The following ICE2 variants were observed in gnomAD, a reference collection of about 807,000 sequenced individuals.
ICE2 encodes the protein interactor of little elongation complex ELL subunit 2.
In ICE2, 87 loss-of-function variants were observed where a neutral mutation model predicts 105.4. The ratio of observed to expected loss-of-function variants is 0.83; its 90% CI spans 0.69 to 0.99. The LOEUF is 0.99. ICE2 is among the 50% of genes least tolerant of loss of function. The probability of loss-of-function intolerance (pLI) is 0.00; values close to 1 mark genes in which losing one functional copy is unlikely to be tolerated. For missense variants in ICE2, 1,323 were observed against 1,146.7 expected, an observed-to-expected ratio of 1.15 and a Z score of -2.22; for synonymous variants, 399 against 392.0, an observed-to-expected ratio of 1.02 and a Z score of -0.21.
At chr15:60,427,843 T>C (rs2063370647) in intron 15 of ICE2, among the ~76,000 whole-genome samples, 1 of 152,230 alleles carries the variant, frequency 6.6e-6, no homozygotes, top group African/African-American at 2.4e-5. Context: ...CATTCAACTG[T>C]TACTTTTGGC....
At chr15:60,446,230 G>A (rs989353421) in intron 11 of ICE2, among the ~76,000 whole-genome samples, 3 of 152,040 alleles carry the variant, frequency 2.0e-5, no homozygotes, top group Non-Finnish European at 4.4e-5. Context: ...TATAATCTTC[G>A]TTCTATTTAA....
At chr15:60,434,574 T>C (rs1392018420) in intron 13 of ICE2, among the ~76,000 whole-genome samples, 1 of 147,760 alleles carries the variant, frequency 6.8e-6, no homozygotes, top group Non-Finnish European at 1.5e-5. Context: ...CACAATGGAA[T>C]ATATTCAGCC....
At position 60,468,278 on chromosome 15, in the gene ICE2, T is replaced by C. The variant is rs757218223; in HGVS notation, c.191A>G (p.Asn64Ser). 7.6e-5 allele frequency: 122 copies of C among 1,613,048 alleles called. No homozygotes were observed. Among genetic ancestry groups the C allele is most frequent in the Non-Finnish European group, 1.0e-4 (121 of 1,179,108 alleles). ...NLNASASSVE[N>S]EPAVSSATQA... The stretch of plus-strand genomic sequence containing the variant: ...AGTTGCTGAACTAACTGCCGGCTCA[T>C]TTTCTACAGAACTTGCTGAGGCATT... The change falls in exon 4 of 16, where the codon AAT becomes AGT. Residue 64 changes from asparagine to serine, a missense_variant. Physicochemically the swap from Asn to Ser is conservative, Grantham distance 46. Transcript: ENST00000261520.
At chr15:60,470,838 T>A (rs2064572247) in intron 3 of ICE2, among the ~76,000 whole-genome samples, 1 of 152,132 alleles carries the variant, frequency 6.6e-6, no homozygotes, top group African/African-American at 2.4e-5. Context: ...TTATTGTTTT[T>A]AAAAATTATA....
chr15:60,436,157 CT>C lies in ICE2; in HGVS notation c.2495del (p.Lys832SerfsTer18). On this transcript the variant is annotated frameshift_variant, in exon 13 of 16. Transcript: ENST00000261520. LOFTEE classifies it high-confidence loss of function. ...AACTTTCTTACTTGAGTGCTGAAAG[CT>C]TTTCTTTTAATTCTTCTGAGGTAAT... is the stretch of plus-strand genomic sequence containing the variant. ...EEITSEELKEKLSALKISNLF... is the reference protein window; with the variant it reads ...EEITSEELKEXLSALKISNLF... The C allele has an allele frequency of 6.9e-7, 1 of 1,446,206 alleles. No homozygotes were observed. The highest frequency in any genetic ancestry group is 9.3e-7 in the Non-Finnish European group (1 of 1,073,454). 89.6% of individuals were successfully genotyped at this position (1,446,206 alleles called of 1,614,324 possible).
At chr15:60,444,333 T>A (rs911195459) in intron 11 of ICE2, among the ~76,000 whole-genome samples, 5 of 152,176 alleles carry the variant, frequency 3.3e-5, no homozygotes, top group Non-Finnish European at 7.3e-5. Flanking sequence ...CTAAAACCAG[T>A]TTAATTTCTG....
intron 11 of ICE2, 197 bp from the exon 12 acceptor site, chr15:60,442,742 G>A: frequency 2.3e-6 from 1 of 433,452 alleles, no homozygotes; most frequent in Non-Finnish European, 4.1e-6. Context: ...GCCAAAAGGT[G>A]GATGGATGAA....
At chr15:60,424,709 A>G (rs1440747936) in intron 15 of ICE2, among the ~76,000 whole-genome samples, 1 of 152,178 alleles carries the variant, frequency 6.6e-6, no homozygotes, top group African/African-American at 2.4e-5. Flanking sequence ...GGGTTTCACC[A>G]TGTTTAGGCT....
At chr15:60,455,594 T>G in intron 6 of ICE2, 152 bp from the exon 7 acceptor site, 1 of 612,112 alleles carries the variant, frequency 1.6e-6, no homozygotes, top group Non-Finnish European at 2.8e-6. Flanking sequence ...AAGATATTCA[T>G]GTTTTTGCTT....
intron 3 of ICE2, among the ~76,000 whole-genome samples, chr15:60,469,134 C>G (rs1483865529): frequency 6.6e-6 from 1 of 152,194 alleles, no homozygotes; most frequent in Non-Finnish European, 1.5e-5. Flanking sequence ...GGAATGAGAT[C>G]ATGTCCTTTG....
At chr15:60,478,532 AG>A in intron 1 of ICE2, 1 of 200,704 alleles carries the variant, frequency 5.0e-6, no homozygotes, top group South Asian at 7.0e-5. Flanking sequence ...AGAAGACTTG[AG>A]GTCAACTTAA....
chr15:60,430,575 A>G (rs554595432), intron 14 of ICE2, among the ~76,000 whole-genome samples: 75 of 152,358 alleles, frequency 4.9e-4, no homozygotes, highest in African/African-American at 1.8e-3. Context: ...AACAGAATAT[A>G]TAAAATAAAA....
At chr15:60,451,249 A>T in intron 9 of ICE2, 1 of 613,582 alleles carries the variant, frequency 1.6e-6, no homozygotes, top group South Asian at 7.3e-5. Context: ...AATATATATG[A>T]AAGATTGAAA....
At chr15:60,426,085 C>T (rs955431115) in intron 15 of ICE2, among the ~76,000 whole-genome samples, 5 of 152,320 alleles carry the variant, frequency 3.3e-5, no homozygotes, top group Non-Finnish European at 5.9e-5. Flanking sequence ...AAGCACACTC[C>T]GTGATACACA....
At chr15:60,453,040 G>A in intron 9 of ICE2, 1 of 795,332 alleles carries the variant, frequency 1.3e-6, no homozygotes, top group Non-Finnish European at 1.5e-6. Flanking sequence ...AGACCAGCCA[G>A]GCCAACATGG....
At chr15:60,478,702 C>T (rs2064842419) in intron 1 of ICE2, 1 of 341,068 alleles carries the variant, frequency 2.9e-6, no homozygotes, top group African/African-American at 2.2e-5. Context: ...CCGAACGGGC[C>T]CGACCGGCTC....
chr15:60,451,215 G>T, intron 9 of ICE2: 1 of 609,874 alleles, frequency 1.6e-6, no homozygotes, highest in Non-Finnish European at 2.1e-6. Context: ...AATCCAGAAA[G>T]TATGAATAAT....
Position 60,431,402 on chromosome 15 carries a change from G to C in ICE2, c.2561+532C>G, listed in dbSNP as rs1196612839. On this transcript the variant is annotated intron_variant, in intron 14 of 15. Coordinates refer to ENST00000261520, the MANE Select transcript of ICE2 (RefSeq NM_024611.6). ...ATCACCAGGAACCTTATAAAAGGGA[G>C]GCAGAGGAAGATATTACCACAAAAG... Among the ~76,000 whole-genome samples, 3 of 152,216 alleles carry C rather than the reference G, an allele frequency of 2.0e-5. No homozygotes were observed. The East Asian group carries it at 5.8e-4, about 29-fold the overall frequency.
At chr15:60,439,428 T>A (rs1330409317) in intron 12 of ICE2, 1 of 152,310 alleles carries the variant, frequency 6.6e-6, no homozygotes, top group East Asian at 1.9e-4. Flanking sequence ...TCGGCCAGGT[T>A]GGAGTGCAGT....
Sources: gnomAD v4.1 joint callset for allele counts (sites outside exome capture counted in the v4.1 genomes callset) on GRCh38, gnomAD v4.1.1 for gene constraint, MANE v1.5 for transcripts, NCBI Gene and HGNC (gene_info 2026-07-23, HGNC 2026-07-21) for gene names.